ACACA: variants seen among roughly 807,000 people sequenced by gnomAD.
The protein encoded by ACACA is acetyl-CoA carboxylase alpha, also known as acetyl-CoA carboxylase 1.
A neutral mutation model predicts 296.1 loss-of-function variants in ACACA; 103 were observed. The observed-to-expected ratio is 0.35, with a 90% CI of 0.30 to 0.41. The LOEUF (loss-of-function observed/expected upper bound fraction) is 0.41. ACACA is among the 10% of genes least tolerant of loss of function. ACACA has a pLI of 1.00. For synonymous variants in ACACA, 953 were observed against 1,038.6 expected (o/e 0.92, Z 1.58); for missense variants, 1,554 against 2,989.7 (o/e 0.52, Z 11.20).
At chr17:37,219,252 G>A (rs952354457) in intron 29 of ACACA, among the ~76,000 whole-genome samples, 5 of 152,178 alleles carry the variant, frequency 3.3e-5, no homozygotes, top group African/African-American at 1.2e-4. Flanking sequence ...ACATGGATGT[G>A]CTGAGAGGGT....
chr17:37,212,310 G>A (rs952762013), intron 29 of ACACA, among the ~76,000 whole-genome samples: 3 of 152,104 alleles, frequency 2.0e-5, no homozygotes, highest in South Asian at 2.1e-4. Context: ...AAAAAGGCCC[G>A]AACTGAAAAG....
intron 36 of ACACA, 46 bp from the exon 37 acceptor site, chr17:37,192,351 CA>C: frequency 6.6e-7 from 1 of 1,520,072 alleles, no homozygotes; most frequent in Non-Finnish European, 9.1e-7. Flanking sequence ...GAGGCAGTTA[CA>C]AAATTATACT....
At chr17:37,324,975 G>A (rs552741306) in intron 3 of ACACA, among the ~76,000 whole-genome samples, 362 of 151,970 alleles carry the variant, frequency 2.4e-3, no homozygotes, top group Non-Finnish European at 3.5e-3. Context: ...GGCTGAGGCA[G>A]GCAGATCACA....
At chr17:37,256,119 C>T (rs2081216299) in intron 14 of ACACA, among the ~76,000 whole-genome samples, 1 of 152,060 alleles carries the variant, frequency 6.6e-6, no homozygotes, top group Non-Finnish European at 1.5e-5. Context: ...TAAGAGCTAG[C>T]AGAAATCCAT....
At chr17:37,295,007 T>C (rs1408907439) in intron 3 of ACACA, among the ~76,000 whole-genome samples, 1 of 152,224 alleles carries the variant, frequency 6.6e-6, no homozygotes, top group Non-Finnish European at 1.5e-5. Context: ...ACTAGAGTGA[T>C]AGCCATGAAC....
intron 39 of ACACA, among the ~76,000 whole-genome samples, chr17:37,185,892 C>A (rs1451194908): frequency 2.6e-5 from 4 of 152,146 alleles, no homozygotes; most frequent in African/African-American, 9.7e-5. Flanking sequence ...TTCTCTTACA[C>A]TGCACATTGG....
rs537023004 is a variant in ACACA, at chr17:37,177,821, A to T, written c.5079+1439T>A. Among the ~76,000 whole-genome samples the T allele has an allele frequency of 3.3e-5, 5 of 152,218 alleles. No homozygotes were observed. In the South Asian group the frequency reaches 6.2e-4, roughly 19 times the overall value. On this transcript the variant is annotated intron_variant, in intron 41 of 55. Coordinates refer to ENST00000616317, the MANE Select transcript of ACACA (RefSeq NM_198834.3). ...GCATCCTTCCACCCCAGTCCTCTTGACTTTGCTATTTGTTGAGACTCCTAC... is the reference window on the plus strand; with the variant it reads ...GCATCCTTCCACCCCAGTCCTCTTGTCTTTGCTATTTGTTGAGACTCCTAC...
intron 1 of ACACA, among the ~76,000 whole-genome samples, chr17:37,397,985 C>T (rs1333450339): frequency 6.6e-6 from 1 of 152,062 alleles, no homozygotes; most frequent in East Asian, 1.9e-4. Context: ...AATCCCAGCA[C>T]TTTGGGAGGC....
chr17:37,099,635 G>GGAGGGCTGAGGGAT (rs2073236142), intron 52 of ACACA, among the ~76,000 whole-genome samples: 1 of 129,480 alleles, frequency 7.7e-6, no homozygotes, highest in Non-Finnish European at 1.6e-5. Flanking sequence ...GGCTGATGGA[G>GGAGGGCTGAGGGAT]GGAGGGCTGA....
chr17:37,178,208 CAAGAGTAT>C (rs2077190338), intron 41 of ACACA, among the ~76,000 whole-genome samples: 1 of 152,028 alleles, frequency 6.6e-6, no homozygotes, highest in African/African-American at 2.4e-5. Context: ...AATGCATGGA[CAAGAGTAT>C]AAGAGTATAG....
intron 11 of ACACA, among the ~76,000 whole-genome samples, chr17:37,260,159 G>A (rs2081383068): frequency 6.8e-6 from 1 of 148,076 alleles, no homozygotes; most frequent in Non-Finnish European, 1.5e-5. Flanking sequence ...TGGGATTACA[G>A]GCGTGAGCCA....
intron 29 of ACACA, among the ~76,000 whole-genome samples, chr17:37,212,614 T>C (rs1340634546): frequency 6.6e-6 from 1 of 152,080 alleles, no homozygotes; most frequent in Non-Finnish European, 1.5e-5. Context: ...TATTTGGTCA[T>C]GTCCATAATG....
intron 4 of ACACA, among the ~76,000 whole-genome samples, chr17:37,283,908 G>A (rs2082657215): frequency 2.6e-5 from 4 of 152,192 alleles, no homozygotes; most frequent in African/African-American, 4.8e-5. Flanking sequence ...GCCTCAGAAA[G>A]AATGGTCACT....
chr17:37,283,433 GAAGAA>G, intron 4 of ACACA, 28 bp from the exon 5 acceptor site: 1 of 1,613,560 alleles, frequency 6.2e-7, no homozygotes, highest in South Asian at 1.1e-5. Context: ...ATGGGAATGG[GAAGAA>G]AAGGCAGAAA....
In ACACA at chr17:37,111,651, A is replaced by G. The variant is rs2073977341; in HGVS notation, c.6453-8T>C. ...GGCTCCAGAACAGATCCCCTGGATC[A>G]GAAAGAAAGAAAAAACAAAACAGAA... On this transcript the variant is annotated splice_region_variant and splice_polypyrimidine_tract_variant and intron_variant, in intron 51 of 55. Coordinates refer to ENST00000616317, the MANE Select transcript of ACACA (RefSeq NM_198834.3). 1.9e-6 allele frequency: 3 copies of G among 1,604,722 alleles called. No individual in the cohort carries two copies. The highest frequency in any genetic ancestry group is 1.7e-6 in the Non-Finnish European group (2 of 1,171,590).
intron 1 of ACACA, among the ~76,000 whole-genome samples, chr17:37,390,351 G>A (rs1412237405): frequency 3.1e-5 from 2 of 63,820 alleles, no homozygotes; most frequent in African/African-American, 1.4e-4. Context: ...CAGCTGGGCC[G>A]GGCACGGTGG....
intron 35 of ACACA, 31 bp from the exon 36 acceptor site, chr17:37,193,446 G>A (rs2077847741): frequency 6.6e-7 from 1 of 1,518,842 alleles, no homozygotes; most frequent in Non-Finnish European, 9.1e-7. Flanking sequence ...AAATGTGTCA[G>A]TAGTTCATAG....
intron 1 of ACACA, chr17:37,379,367 C>T (rs1301760228): frequency 6.2e-7 from 1 of 1,613,672 alleles, no homozygotes; most frequent in Admixed American, 1.7e-5. Context: ...GACTGGATCT[C>T]TTCTAAAAGG....
chr17:37,257,633 T>C (rs576121447), intron 14 of ACACA, 70 bp downstream of exon 14: 1 of 1,501,712 alleles, frequency 6.7e-7, no homozygotes, highest in Non-Finnish European at 9.2e-7. Context: ...CCTATTCCCA[T>C]GCTCACACCT....
Sources: gnomAD v4.1 joint callset for allele counts (sites outside exome capture counted in the v4.1 genomes callset) on GRCh38, gnomAD v4.1.1 for gene constraint, MANE v1.5 for transcripts, NCBI Gene and HGNC (gene_info 2026-07-23, HGNC 2026-07-21) for gene names.